The following TENM3 variants were observed in gnomAD, a reference collection of about 807,000 sequenced individuals.
The protein encoded by TENM3 is teneurin transmembrane protein 3, also known as teneurin-3.
A neutral mutation model predicts 255.1 loss-of-function variants in TENM3; 63 were observed. The observed-to-expected ratio is 0.25, with a 90% CI of 0.20 to 0.30. The LOEUF is 0.30. Among genes scored for constraint, TENM3 ranks in the 10% least tolerant of loss-of-function variants. The pLI, the probability that TENM3 is intolerant of heterozygous loss-of-function variation, is 1.00. For synonymous variants in TENM3, 1,306 were observed against 1,322.3 expected (o/e 0.99, Z 0.27); for missense variants, 2,929 against 3,461.1 (o/e 0.85, Z 3.86).
the TENM3 span, among the ~76,000 whole-genome samples, chr4:182,129,582 G>A: frequency 1.3e-4 from 20 of 152,222 alleles, no homozygotes; most frequent in South Asian, 2.5e-3. Flanking sequence ...TTTAGGTGTC[G>A]AAGGATAGGT....
the TENM3 span, among the ~76,000 whole-genome samples, chr4:181,659,027 G>A: frequency 1.3e-5 from 2 of 152,130 alleles, no homozygotes; most frequent in East Asian, 3.9e-4. Context: ...CCTAGGCTCT[G>A]GATGTTTGCC....
chr4:182,281,897 G>A (rs968671394), intron 1 of TENM3, among the ~76,000 whole-genome samples: 8 of 152,002 alleles, frequency 5.3e-5, no homozygotes, highest in Non-Finnish European at 1.0e-4. Flanking sequence ...CACCATACCC[G>A]GCTAATTTTG....
intron 1 of TENM3, among the ~76,000 whole-genome samples, chr4:182,272,554 C>T (rs1304728818): frequency 6.6e-6 from 1 of 152,186 alleles, no homozygotes; most frequent in Non-Finnish European, 1.5e-5. Context: ...CTTTGTCAAG[C>T]TTAGGCCACT....
chr4:181,537,598 T>C, the TENM3 span, among the ~76,000 whole-genome samples: 1 of 152,198 alleles, frequency 6.6e-6, no homozygotes, highest in Non-Finnish European at 1.5e-5. Context: ...TTCCAAGTAC[T>C]ATGTTGGCAG....
rs765067212 is a variant in TENM3 at position 182,729,022 on chromosome 4, A to T, written c.2426A>T (p.Gln809Leu). The T allele has an allele frequency of 1.2e-6, 2 of 1,613,996 alleles. No individual in the cohort carries two copies. Among genetic ancestry groups the T allele is most frequent in the Non-Finnish European group, 1.7e-6 (2 of 1,179,874 alleles). ...TGCCTACAGAGTTCCTGCCAGAATC[A>T]GCCCTATTGTCGGGGACTGCCGGAT... ...DCCLQSSCQN[Q>L]PYCRGLPDPQ... The change falls in exon 14 of 28, where the codon CAG becomes CTG. Residue 809 changes from glutamine to leucine, a missense_variant. Gln to Leu is a moderately radical substitution (Grantham distance 113, BLOSUM62 -2). Around this residue, in one of 6 missense-constraint regions of TENM3, gnomAD observed 1,608 missense variants for 1,884.4 expected, o/e 0.85. Transcript: ENST00000511685.
intron 3 of TENM3, among the ~76,000 whole-genome samples, chr4:182,577,386 T>C (rs1745045103): frequency 6.6e-6 from 1 of 152,170 alleles, no homozygotes; most frequent in African/African-American, 2.4e-5. Flanking sequence ...AGGTGTGTTG[T>C]ATAAATTAAT....
intron 1 of TENM3, among the ~76,000 whole-genome samples, chr4:182,146,118 G>A (rs1473108577): frequency 6.6e-6 from 1 of 152,108 alleles, no homozygotes; most frequent in African/African-American, 2.4e-5. Context: ...AATATATTGA[G>A]AACAGACTGA....
intron 5 of TENM3, among the ~76,000 whole-genome samples, chr4:182,647,824 A>C (rs1200553123): frequency 6.6e-6 from 1 of 152,170 alleles, no homozygotes; most frequent in South Asian, 2.1e-4. Context: ...AGTGTTTGCA[A>C]CAAAATGTTG....
chr4:181,551,122 G>T, the TENM3 span, among the ~76,000 whole-genome samples: 3 of 152,128 alleles, frequency 2.0e-5, no homozygotes. Flanking sequence ...AGCAGGTTAT[G>T]GTAGCATGCT....
chr4:182,126,053 A>G, the TENM3 span, among the ~76,000 whole-genome samples: 1 of 152,180 alleles, frequency 6.6e-6, no homozygotes, highest in South Asian at 2.1e-4. Context: ...TTATCTGATT[A>G]AAACAATTAG....
the TENM3 span, among the ~76,000 whole-genome samples, chr4:181,700,190 G>A: frequency 9.3e-5 from 14 of 151,268 alleles, no homozygotes; most frequent in African/African-American, 2.4e-5. Flanking sequence ...TGAAGTGAAC[G>A]TCAGCATTTC....
the TENM3 span, among the ~76,000 whole-genome samples, chr4:181,681,306 A>G: frequency 6.6e-6 from 1 of 152,062 alleles, no homozygotes; most frequent in Non-Finnish European, 1.5e-5. Flanking sequence ...GAAATAACTA[A>G]CATTTCACCG....
At chr4:182,175,314 A>AAAAAAAT (rs60217194) in intron 1 of TENM3, among the ~76,000 whole-genome samples, 4 of 117,592 alleles carry the variant, frequency 3.4e-5, no homozygotes, top group African/African-American at 1.3e-4. Context: ...AAAAAAAAAA[A>AAAAAAAT]ATATATATAT....
At chr4:181,514,756 G>A in the TENM3 span, among the ~76,000 whole-genome samples, 1 of 152,194 alleles carries the variant, frequency 6.6e-6, no homozygotes, top group Non-Finnish European at 1.5e-5. Context: ...TTCAGAGTGT[G>A]AATGAAAGGT....
the TENM3 span, among the ~76,000 whole-genome samples, chr4:182,085,296 T>G: frequency 6.6e-6 from 1 of 152,130 alleles, no homozygotes; most frequent in Admixed American, 6.5e-5. Flanking sequence ...TTTAAAAATT[T>G]TTCTCAGTGC....
At chr4:182,344,005 A>C (rs952001455) in intron 2 of TENM3, among the ~76,000 whole-genome samples, 7 of 152,180 alleles carry the variant, frequency 4.6e-5, no homozygotes, top group African/African-American at 1.4e-4. Context: ...AAATGAGTTG[A>C]AAATGATCCT....
chr4:182,349,690 A>G (rs979662826), intron 3 of TENM3, among the ~76,000 whole-genome samples: 1 of 152,188 alleles, frequency 6.6e-6, no homozygotes, highest in Non-Finnish European at 1.5e-5. Flanking sequence ...TAGTCAAGTA[A>G]TTCTAATATA....
At chr4:181,646,724 C>A in the TENM3 span, among the ~76,000 whole-genome samples, 3 of 152,214 alleles carry the variant, frequency 2.0e-5, no homozygotes, top group African/African-American at 4.8e-5. Context: ...GCGCGTCTGA[C>A]TCTGGGACCC....
At chr4:181,918,595 A>C in the TENM3 span, among the ~76,000 whole-genome samples, 2 of 152,320 alleles carry the variant, frequency 1.3e-5, no homozygotes, top group Admixed American at 1.3e-4. Context: ...TTGTTAGATT[A>C]AATGTCCTGA....
Sources: allele counts gnomAD v4.1 joint callset (sites outside exome capture counted in the v4.1 genomes callset), GRCh38; gene constraint gnomAD v4.1.1; regional missense constraint gnomAD v4.1.1; transcripts MANE v1.5; gene names NCBI Gene and HGNC (gene_info 2026-07-23, HGNC 2026-07-21).